MMADHC: variants seen among roughly 807,000 people sequenced by gnomAD.
The protein encoded by MMADHC is cobalamin trafficking protein CblD.
MMADHC carries 23 observed loss-of-function variants against 36.3 expected under a neutral mutation model. The observed-to-expected ratio is 0.63, with a 90% confidence interval of 0.46 to 0.90. The LOEUF (loss-of-function observed/expected upper bound fraction) is 0.90, where lower values mean the gene tolerates loss of function less well. Ranked by LOEUF, MMADHC falls within the 40% of genes least tolerant of loss-of-function variation. MMADHC has a pLI of 0.00. For missense variants in MMADHC, 330 were observed against 348.0 expected, an observed-to-expected ratio of 0.95 and a Z score of 0.41; for synonymous variants, 97 against 116.1, an observed-to-expected ratio of 0.84 and a Z score of 1.06.
intron 3 of MMADHC, 142 bp downstream of exon 3, chr2:149,581,985 A>T: frequency 1.2e-6 from 1 of 850,320 alleles, no homozygotes; most frequent in Non-Finnish European, 1.9e-6. Context: ...AAATATATTT[A>T]GGCAGAGCTG....
At chr2:149,576,335 A>C in intron 5 of MMADHC, 102 bp downstream of exon 5, 1 of 834,958 alleles carries the variant, frequency 1.2e-6, no homozygotes, top group Non-Finnish European at 2.1e-6. Context: ...ATACGGTAAA[A>C]TATAATATTA....
chr2:149,570,426 A>C (rs114670160), intron 7 of MMADHC, among the ~76,000 whole-genome samples: 3 of 152,318 alleles, frequency 2.0e-5, no homozygotes, highest in Non-Finnish European at 4.4e-5. Flanking sequence ...TGAAGATGGA[A>C]TAAACCCTAG....
At chr2:149,575,628 G>T in intron 6 of MMADHC, 83 bp downstream of exon 6, 1 of 1,169,678 alleles carries the variant, frequency 8.5e-7, no homozygotes. Flanking sequence ...GGGTGGAAAT[G>T]ACAGTCATCA....
chr2:149,575,315 T>C (rs1306766950), intron 6 of MMADHC, among the ~76,000 whole-genome samples: 2 of 151,926 alleles, frequency 1.3e-5, no homozygotes, highest in African/African-American at 4.8e-5. Flanking sequence ...TGGCATAATT[T>C]TCACTCTTTA....
chr2:149,583,413 A>T (rs1261160545), intron 2 of MMADHC, among the ~76,000 whole-genome samples: 1 of 152,218 alleles, frequency 6.6e-6, no homozygotes, highest in Admixed American at 6.5e-5. Context: ...GCAATTAAAA[A>T]AAGGTTTGAA....
chr2:149,583,073 T>C (rs2105050559), intron 2 of MMADHC, among the ~76,000 whole-genome samples: 1 of 152,314 alleles, frequency 6.6e-6, no homozygotes, highest in East Asian at 1.9e-4. Context: ...TTACAAGAGA[T>C]ATTCTGTGGC....
At chr2:149,570,203 A>G (rs1412187367) in intron 7 of MMADHC, 35 bp from the exon 8 acceptor site, 7 of 1,534,772 alleles carry the variant, frequency 4.6e-6, no homozygotes, top group Non-Finnish European at 6.3e-6. Context: ...CTCATTAGTA[A>G]GAAAGACATT....
At chr2:149,581,021 A>T (rs549667892) in intron 3 of MMADHC, among the ~76,000 whole-genome samples, 1 of 152,318 alleles carries the variant, frequency 6.6e-6, no homozygotes, top group African/African-American at 2.4e-5. Flanking sequence ...AAAACCTGTT[A>T]GCTATTTTTG....
At chr2:149,587,562 G>A in intron 1 of MMADHC, 102 bp downstream of exon 1, 1 of 210,348 alleles carries the variant, frequency 4.8e-6, no homozygotes, top group South Asian at 7.3e-5. Context: ...GGATGGCTGG[G>A]GACAACGACA....
At position 149,581,139 on chromosome 2, in the gene MMADHC, G is replaced by T. The variant is rs947118347; in HGVS notation, c.154+988C>A. Among the ~76,000 whole-genome samples, 26 of 152,186 alleles carry T rather than the reference G, an allele frequency of 1.7e-4. No homozygotes were observed. The South Asian group carries it at 2.5e-3, about 15-fold the overall frequency. ...CAGTGGATTTGACCATATGTTTACT[G>T]GTCATTTTAGGTTTTGTTTTCTGTG... is the stretch of plus-strand genomic sequence containing the variant. On this transcript the variant is annotated intron_variant, in intron 3 of 7. Coordinates refer to ENST00000303319, the MANE Select transcript of MMADHC (RefSeq NM_015702.3).
At chr2:149,584,474 G>A (rs963234805) in intron 2 of MMADHC, among the ~76,000 whole-genome samples, 3 of 152,098 alleles carry the variant, frequency 2.0e-5, no homozygotes, top group Non-Finnish European at 4.4e-5. Flanking sequence ...AAAACAGAAG[G>A]AGGAGGAAGA....
rs1049551739 is a variant in MMADHC at position 149,587,775 on chromosome 2, G to A, written c.-164C>T. Reference sequence around the variant, plus strand: ...CTACGCTGGCGGTGAGCAGGCAAAGGAAGTTGCTTCCGAGCGCGTCGAAAC... The same window carrying A: ...CTACGCTGGCGGTGAGCAGGCAAAGAAAGTTGCTTCCGAGCGCGTCGAAAC... On this transcript the variant is annotated 5_prime_UTR_variant, in exon 1 of 8. Transcript: ENST00000303319. The A allele has an allele frequency of 6.5e-6, 1 of 152,850 alleles. No homozygotes were observed. Among genetic ancestry groups the A allele is most frequent in the African/African-American group, 2.4e-5 (1 of 41,478 alleles). 9.5% of individuals were successfully genotyped at this position (152,850 alleles called of 1,614,324 possible).
At chr2:149,582,377 C>G (rs1682807751) in intron 2 of MMADHC, 106 bp from the exon 3 acceptor site, 1 of 1,089,610 alleles carries the variant, frequency 9.2e-7, no homozygotes, top group Non-Finnish European at 1.4e-6. Flanking sequence ...TTAAAACCAA[C>G]ATTTATTCTA....
intron 4 of MMADHC, among the ~76,000 whole-genome samples, chr2:149,578,065 T>G (rs997394684): frequency 6.6e-6 from 1 of 151,936 alleles, no homozygotes; most frequent in Non-Finnish European, 1.5e-5. Context: ...AACAGGAGCT[T>G]AGAAAGGTTA....
chr2:149,583,844 A>G (rs997347051), intron 2 of MMADHC, among the ~76,000 whole-genome samples: 3 of 152,170 alleles, frequency 2.0e-5, no homozygotes, highest in Non-Finnish European at 4.4e-5. Flanking sequence ...TTACATAAAA[A>G]TATCTCCCCA....
At position 149,579,562 on chromosome 2, in the gene MMADHC, C is replaced by A; in HGVS notation, c.241G>T (p.Asp81Tyr). 1 of 1,613,982 alleles carries A rather than the reference C, an allele frequency of 6.2e-7. No homozygotes were observed. The highest frequency in any genetic ancestry group is 8.5e-7 in the Non-Finnish European group (1 of 1,179,986). ...GAAGCAGTCCCATTGAGGTGACAAT[C>A]AAAACCTATGTTCCCAGGAAGCTGG... Reference protein sequence around the residue: ...RFQLPGNIGFDCHLNGTASQK... With the variant: ...RFQLPGNIGFYCHLNGTASQK... Residue 81 changes from aspartate (D) to tyrosine (Y), a missense_variant, in exon 4 of 8, where the codon GAT (aspartate) becomes TAT (tyrosine). Transcript: ENST00000303319.
Position 149,579,524 on chromosome 2 carries a change from G to A in MMADHC, c.279C>T (p.Ser93=). 2 of 1,613,540 alleles carry A rather than the reference G, an allele frequency of 1.2e-6. No individual in the cohort carries two copies. The highest frequency in any genetic ancestry group is 1.7e-6 in the Non-Finnish European group (2 of 1,179,956). ...CATCAGGCAAAGTTTTATGAACCAG[G>A]CTTTTCTTCTGTGAAGCAGTCCCAT... is the stretch of plus-strand genomic sequence containing the variant. ...HLNGTASQKK[S]LVHKTLPDVL... is the part of the protein sequence containing the mutation. The change falls in exon 4 of 8, where the codon AGC becomes AGT. Residue 93 remains serine, a synonymous_variant. Transcript: ENST00000303319.
chr2:149,584,943 T>G (rs1200147060), intron 2 of MMADHC, among the ~76,000 whole-genome samples: 5 of 150,492 alleles, frequency 3.3e-5, no homozygotes, highest in Admixed American at 2.7e-4. Context: ...CTTAGGAGGC[T>G]GAGGCAGGAG....
chr2:149,587,467 G>C, intron 1 of MMADHC, 197 bp downstream of exon 1: 1 of 355,282 alleles, frequency 2.8e-6, no homozygotes, highest in South Asian at 3.3e-5. Flanking sequence ...ACAGAAGTTG[G>C]GGCTGCGTAA....
Sources: allele counts gnomAD v4.1 joint callset (sites outside exome capture counted in the v4.1 genomes callset), GRCh38; gene constraint gnomAD v4.1.1; transcripts MANE v1.5; gene names NCBI Gene and HGNC (gene_info 2026-07-23, HGNC 2026-07-21).